Variants in HGD observed in about 807,000 individuals in gnomAD.
HGD encodes the protein homogentisate oxidase.
A neutral mutation model predicts 60.8 loss-of-function variants in HGD; 61 were observed. That is an observed-to-expected ratio of 1.00 (90% CI 0.82 to 1.24). The LOEUF is 1.24. HGD is among the 50% of genes most tolerant of loss of function. The pLI is 0.00. For missense variants in HGD, 542 were observed against 547.1 expected (o/e 0.99, Z 0.09); for synonymous variants, 212 against 187.7 (o/e 1.13, Z -1.06).
chr3:120,642,720 C>T (rs1388493801), intron 10 of HGD, among the ~76,000 whole-genome samples: 1 of 152,172 alleles, frequency 6.6e-6, no homozygotes, highest in Non-Finnish European at 1.5e-5. Flanking sequence ...GAACTGAGGT[C>T]ATATGGGGGA....
At position 120,638,448 on chromosome 3, in the gene HGD, G is replaced by T; in HGVS notation, c.1006+7C>A. Reference sequence around the variant, plus strand: ...TGCAAATGTGGCTTGGTAAAAGAGAGACTTACTATGGTAATAAGGAGGCCT... The same window carrying T: ...TGCAAATGTGGCTTGGTAAAAGAGATACTTACTATGGTAATAAGGAGGCCT... On this transcript the variant is annotated splice_region_variant and intron_variant, in intron 12 of 13. Coordinates refer to ENST00000283871, the MANE Select transcript of HGD (RefSeq NM_000187.4). 6.2e-7 allele frequency: 1 copy of T among 1,613,748 alleles called. No individual in the cohort carries two copies. Among genetic ancestry groups the T allele is most frequent in the Non-Finnish European group, 8.5e-7 (1 of 1,179,814 alleles).
chr3:120,634,310 C>T lies in HGD; in HGVS notation c.1007-982G>A, dbSNP rs544203791. 3.3e-5 allele frequency among the ~76,000 whole-genome samples: 5 copies of T among 152,288 alleles called. No individual in the cohort carries two copies. The East Asian group carries it at 5.8e-4, about 18-fold the overall frequency. ...AAATTTAACAAAAATCACCATGCTTCCACTCTTCCAATCTTATGCTTCTAT... is the reference window on the plus strand; with the variant it reads ...AAATTTAACAAAAATCACCATGCTTTCACTCTTCCAATCTTATGCTTCTAT... On this transcript the variant is annotated intron_variant, in intron 12 of 13. Coordinates refer to ENST00000283871, the MANE Select transcript of HGD (RefSeq NM_000187.4).
chr3:120,655,765 G>C (rs1044018160), intron 4 of HGD, among the ~76,000 whole-genome samples: 1 of 152,220 alleles, frequency 6.6e-6, no homozygotes, highest in East Asian at 1.9e-4. Flanking sequence ...GTGCACTGAA[G>C]ACTTGGTTTT....
intron 10 of HGD, 36 bp from the exon 11 acceptor site, chr3:120,641,729 T>C (rs768871737): frequency 4.4e-6 from 6 of 1,368,922 alleles, no homozygotes; most frequent in Admixed American, 3.3e-5. Context: ...AATTTTACCA[T>C]CTAATGCTTT....
rs191399604 is a variant in HGD, at chr3:120,660,035, A to T, written c.283-7384T>A. On this transcript the variant is annotated intron_variant, in intron 4 of 13. Transcript: ENST00000283871. ...TCTCATGACAGTGAGTTCTCATGAG[A>T]TCTGGTCTTTAAAAGCGTGTAGCAC... Among the ~76,000 whole-genome samples, 60 of 151,922 alleles carry T rather than the reference A, an allele frequency of 3.9e-4. 2 individuals carry two copies. Among genetic ancestry groups the T allele is most frequent in the South Asian group, 1.3e-3 (6 of 4,790 alleles).
intron 1 of HGD, 125 bp downstream of exon 1, chr3:120,681,972 T>C (rs2107566395): frequency 1.1e-6 from 1 of 871,838 alleles, no homozygotes; most frequent in East Asian, 2.4e-5. Context: ...GGGAAGCCTC[T>C]GAACACAGGG....
intron 4 of HGD, among the ~76,000 whole-genome samples, chr3:120,658,306 T>C (rs760752255): frequency 2.0e-5 from 3 of 152,198 alleles, no homozygotes; most frequent in Non-Finnish European, 2.9e-5. Flanking sequence ...TACTTCCATT[T>C]CAAAAGGGAG....
chr3:120,681,915 C>T (rs1288576139), intron 1 of HGD, among the ~76,000 whole-genome samples, 182 bp downstream of exon 1: 5 of 152,196 alleles, frequency 3.3e-5, no homozygotes, highest in African/African-American at 7.2e-5. Context: ...TTTCCTTTAT[C>T]ACCTTTCCCT....
chr3:120,651,183 G>T (rs1941331207), intron 5 of HGD, among the ~76,000 whole-genome samples: 1 of 152,206 alleles, frequency 6.6e-6, no homozygotes, highest in South Asian at 2.1e-4. Context: ...TGGAAGAAGA[G>T]ATTCTGTTGG....
chr3:120,650,309 T>C (rs1203164719), intron 6 of HGD, among the ~76,000 whole-genome samples: 1 of 152,232 alleles, frequency 6.6e-6, no homozygotes, highest in Non-Finnish European at 1.5e-5. Flanking sequence ...TGATGTCTTA[T>C]GCCTCCCTAA....
intron 12 of HGD, among the ~76,000 whole-genome samples, chr3:120,637,257 T>G (rs541769870): frequency 2.0e-5 from 3 of 148,918 alleles, no homozygotes; most frequent in African/African-American, 7.4e-5. Flanking sequence ...TAACTTGCTG[T>G]GAGTCCTTGA....
chr3:120,658,691 G>T (rs1400006295), intron 4 of HGD, among the ~76,000 whole-genome samples: 1 of 152,196 alleles, frequency 6.6e-6, no homozygotes, highest in Admixed American at 6.5e-5. Context: ...CCTCCATACT[G>T]CCCTAGTAGA....
intron 3 of HGD, among the ~76,000 whole-genome samples, chr3:120,671,336 T>C (rs887250245): frequency 6.6e-6 from 1 of 152,228 alleles, no homozygotes; most frequent in Non-Finnish European, 1.5e-5. Context: ...TTATTTTGTA[T>C]TTCCTTTATT....
At chr3:120,640,357 T>C (rs1447730594) in intron 11 of HGD, among the ~76,000 whole-genome samples, 1 of 151,786 alleles carries the variant, frequency 6.6e-6, no homozygotes, top group Non-Finnish European at 1.5e-5. Context: ...GAGAGAAGGC[T>C]AAAACCCCAG....
At chr3:120,677,401 A>C (rs769060669) in intron 1 of HGD, among the ~76,000 whole-genome samples, 1 of 152,146 alleles carries the variant, frequency 6.6e-6, no homozygotes, top group Admixed American at 6.6e-5. Flanking sequence ...ATAGGCTTAT[A>C]AACAGCCCCC....
chr3:120,639,941 T>C (rs893103834), intron 11 of HGD, among the ~76,000 whole-genome samples: 4 of 152,076 alleles, frequency 2.6e-5, no homozygotes, highest in African/African-American at 9.7e-5. Context: ...ATGTTCCCTT[T>C]CAGATGCCAT....
intron 3 of HGD, among the ~76,000 whole-genome samples, chr3:120,672,979 T>A (rs1161791401): frequency 2.0e-5 from 3 of 152,156 alleles, no homozygotes; most frequent in African/African-American, 4.8e-5. Context: ...GGTACGTAGG[T>A]AGGTAGATAG....
intron 7 of HGD, among the ~76,000 whole-genome samples, chr3:120,647,568 A>T (rs1172160492): frequency 1.3e-5 from 2 of 152,246 alleles, no homozygotes; most frequent in African/African-American, 2.4e-5. Context: ...AGGCAAATAC[A>T]GTTACCGTAA....
intron 10 of HGD, among the ~76,000 whole-genome samples, chr3:120,643,002 A>G (rs1451642174): frequency 6.6e-6 from 1 of 152,174 alleles, no homozygotes; most frequent in Non-Finnish European, 1.5e-5. Flanking sequence ...CTGCTTCTAC[A>G]ATTGTGGTTC....
Sources: allele counts gnomAD v4.1 joint callset (sites outside exome capture counted in the v4.1 genomes callset), GRCh38; gene constraint gnomAD v4.1.1; transcripts MANE v1.5; gene names NCBI Gene and HGNC (gene_info 2026-07-23, HGNC 2026-07-21).